LRRC52: variants seen among roughly 807,000 people sequenced by gnomAD.
The protein encoded by LRRC52 is leucine-rich repeat-containing protein 52.
In LRRC52, 15 loss-of-function variants were observed where a neutral mutation model predicts 14.7. The ratio of observed to expected loss-of-function variants is 1.02; its 90% CI spans 0.68 to 1.58. The LOEUF (loss-of-function observed/expected upper bound fraction) is 1.58, where lower values mean the gene tolerates loss of function less well. LRRC52 is among the 40% of genes most tolerant of loss of function. LRRC52 has a pLI of 0.00. For missense variants in LRRC52, 400 were observed against 387.7 expected (o/e 1.03, Z -0.27); for synonymous variants, 180 against 163.9 (o/e 1.10, Z -0.75).
intron 1 of LRRC52, among the ~76,000 whole-genome samples, chr1:165,553,363 T>C (rs1661173344): frequency 6.6e-6 from 1 of 152,180 alleles, no homozygotes; most frequent in South Asian, 2.1e-4. Context: ...CAGGGATCCC[T>C]GATGTCTTGG....
intron 1 of LRRC52, among the ~76,000 whole-genome samples, chr1:165,559,632 A>C (rs905540568): frequency 3.9e-5 from 6 of 152,222 alleles, no homozygotes; most frequent in African/African-American, 1.4e-4. Flanking sequence ...ATCCTAACTT[A>C]ATATCCATAG....
rs751436196 is a variant in LRRC52, at chr1:165,544,758, C to G, written c.462C>G (p.Tyr154Ter). ...FTFANTTSLR[Y>*]LDLRNTGLQT... Reference sequence around the variant, plus strand: ...TTGCCAACACCACCTCTTTGAGGTACCTGGACCTCAGAAATACCGGCTTGC... The same window carrying G: ...TTGCCAACACCACCTCTTTGAGGTAGCTGGACCTCAGAAATACCGGCTTGC... Residue 154 changes from tyrosine (Y) to a stop codon, truncating the protein, a stop_gained, in exon 1 of 2, where the codon TAC becomes TAG. Coordinates refer to ENST00000294818, the MANE Select transcript of LRRC52 (RefSeq NM_001005214.4). LOFTEE classifies it high-confidence loss of function. 1.9e-6 allele frequency: 3 copies of G among 1,613,978 alleles called. No individual in the cohort carries two copies. Among genetic ancestry groups the G allele is most frequent in the Non-Finnish European group, 1.7e-6 (2 of 1,180,032 alleles).
intron 1 of LRRC52, among the ~76,000 whole-genome samples, chr1:165,549,163 A>C (rs903345922): frequency 3.9e-5 from 6 of 152,220 alleles, no homozygotes; most frequent in African/African-American, 1.4e-4. Context: ...GAACAAAAGC[A>C]GAAGCTCAAA....
chr1:165,551,671 A>G (rs1661135187), intron 1 of LRRC52, among the ~76,000 whole-genome samples: 1 of 152,150 alleles, frequency 6.6e-6, no homozygotes, highest in South Asian at 2.1e-4. Flanking sequence ...GAGGCAGTGG[A>G]CAAAGCCACT....
intron 1 of LRRC52, among the ~76,000 whole-genome samples, chr1:165,558,432 G>A (rs10800111): frequency 0.48 from 72,662 of 152,086 alleles, 20,532 homozygotes; most frequent in East Asian, 0.72. Flanking sequence ...GAAAGCCAGA[G>A]AAGGAAGAAC....
chr1:165,563,871 T>C lies in LRRC52; in HGVS notation c.*47T>C. ...TGTGCCTCCCCCAGGCTCCCTGCTT[T>C]CTCTCTTGCCCTCCCCATCCCACCA... On this transcript the variant is annotated 3_prime_UTR_variant, in exon 2 of 2. Transcript: ENST00000294818. 6.4e-7 allele frequency: 1 copy of C among 1,571,026 alleles called. No homozygotes were observed. The highest frequency in any genetic ancestry group is 8.7e-7 in the Non-Finnish European group (1 of 1,151,488).
In LRRC52 at chr1:165,544,213, C is replaced by T. The variant is rs942370249; in HGVS notation, c.-84C>T. On this transcript the variant is annotated 5_prime_UTR_variant, in exon 1 of 2. Coordinates refer to ENST00000294818, the MANE Select transcript of LRRC52 (RefSeq NM_001005214.4). ...ACAGTTCTTTCCAGAGCCCCTCCCC[C>T]GCCCCACCCCCCCACCGGCAGCCTT... The T allele has an allele frequency of 1.4e-5, 16 of 1,159,444 alleles. 4 individuals are homozygous for T. Among genetic ancestry groups the T allele is most frequent in the South Asian group, 1.3e-4 (9 of 70,022 alleles). 71.8% of individuals were successfully genotyped at this position (1,159,444 alleles called of 1,614,324 possible).
rs1467992096 is a variant in LRRC52, at chr1:165,544,017, G to T, written c.-280G>T. 2 of 454,110 alleles carry T rather than the reference G, an allele frequency of 4.4e-6. No individual in the cohort carries two copies. The highest frequency in any genetic ancestry group is 4.0e-6 in the Non-Finnish European group (1 of 253,114). 28.1% of individuals were successfully genotyped at this position (454,110 alleles called of 1,614,324 possible). On this transcript the variant is annotated 5_prime_UTR_variant, in exon 1 of 2. Transcript: ENST00000294818. ...CCCTGGCTCCCCTTCACTTGCAAAC[G>T]CAGGGAAAGGGTGAGACCTTTCAAA...
In LRRC52 at chr1:165,544,333, C is replaced by T. The variant is rs748229362; in HGVS notation, c.37C>T (p.Leu13Phe). ...LASGPGPGWLLFSFGMGLVSG... is the reference protein window; with the variant it reads ...LASGPGPGWLFFSFGMGLVSG... ...TTCAGGCCCTGGCCCTGGGTGGTTACTCTTTTCCTTTGGAATGGGGCTGGT... is the reference window on the plus strand; with the variant it reads ...TTCAGGCCCTGGCCCTGGGTGGTTATTCTTTTCCTTTGGAATGGGGCTGGT... Residue 13 changes from leucine to phenylalanine, a missense_variant, in exon 1 of 2, where the codon CTC becomes TTC. Transcript: ENST00000294818. 1 of 1,612,984 alleles carries T rather than the reference C, an allele frequency of 6.2e-7. No individual in the cohort carries two copies. Among genetic ancestry groups the T allele is most frequent in the Admixed American group, 1.7e-5 (1 of 59,946 alleles).
At chr1:165,550,064 C>A (rs1361838824) in intron 1 of LRRC52, among the ~76,000 whole-genome samples, 3 of 152,228 alleles carry the variant, frequency 2.0e-5, no homozygotes, top group African/African-American at 7.2e-5. Context: ...CAGACCCACA[C>A]ATTCCATTTC....
rs1198137907 is a variant in LRRC52 at position 165,544,387 on chromosome 1, C to T, written c.91C>T (p.Leu31=). The T allele has an allele frequency of 6.2e-7, 1 of 1,613,968 alleles. No individual in the cohort carries two copies. The highest frequency in any genetic ancestry group is 1.3e-5 in the African/African-American group (1 of 74,878). The part of the protein sequence containing the change: ...VSGSKCPNNC[L]CQAQEVICTG... Reference sequence around the variant, plus strand: ...AGGGTCAAAGTGTCCAAATAATTGTCTGTGTCAAGCCCAAGAAGTAATCTG... The same window carrying T: ...AGGGTCAAAGTGTCCAAATAATTGTTTGTGTCAAGCCCAAGAAGTAATCTG... Residue 31 remains leucine, a synonymous_variant, in exon 1 of 2, where the codon CTG becomes TTG. Coordinates refer to ENST00000294818, the MANE Select transcript of LRRC52 (RefSeq NM_001005214.4).
Position 165,563,856 on chromosome 1 carries a change from C to T in LRRC52, c.*32C>T. On this transcript the variant is annotated 3_prime_UTR_variant, in exon 2 of 2. Transcript: ENST00000294818. ...GAGACCACTATCTTATGTGCCTCCC[C>T]CAGGCTCCCTGCTTTCTCTCTTGCC... 1 of 1,593,318 alleles carries T rather than the reference C, an allele frequency of 6.3e-7. No homozygotes were observed. Among genetic ancestry groups the T allele is most frequent in the South Asian group, 1.1e-5 (1 of 87,676 alleles).
Position 165,544,228 on chromosome 1 carries a change from C to G in LRRC52, c.-69C>G. 1 of 1,460,384 alleles carries G rather than the reference C, an allele frequency of 6.8e-7. No homozygotes were observed. The highest frequency in any genetic ancestry group is 9.2e-7 in the Non-Finnish European group (1 of 1,087,958). The allele number at this position is 1,460,384 out of a possible 1,614,324, so 90.5% of individuals were successfully genotyped here. A position where few individuals can be genotyped will look rare whatever the true frequency, so the allele number is the denominator to read the frequency against. On this transcript the variant is annotated 5_prime_UTR_variant, in exon 1 of 2. Transcript: ENST00000294818. ...GCCCCTCCCCCGCCCCACCCCCCCA[C>G]CGGCAGCCTTCGGATCAGAGGACAG...
rs1571102319 is a variant in LRRC52 at position 165,544,239 on chromosome 1, C to T, written c.-58C>T. On this transcript the variant is annotated 5_prime_UTR_variant, in exon 1 of 2. Coordinates refer to ENST00000294818, the MANE Select transcript of LRRC52 (RefSeq NM_001005214.4). ...GCCCCACCCCCCCACCGGCAGCCTT[C>T]GGATCAGAGGACAGAGCCCGCAGGA... The T allele has an allele frequency of 1.0e-5, 13 of 1,243,680 alleles. No homozygotes were observed. In the East Asian group the frequency reaches 1.4e-4, roughly 14 times the overall value. The allele number at this position is 1,243,680 out of a possible 1,614,324, so 77.0% of individuals were successfully genotyped here.
intron 1 of LRRC52, among the ~76,000 whole-genome samples, chr1:165,558,254 A>T (rs1243804196): frequency 6.6e-6 from 1 of 152,204 alleles, no homozygotes; most frequent in African/African-American, 2.4e-5. Flanking sequence ...GTTCAATATT[A>T]ATGACATCTG....
chr1:165,550,556 C>G (rs1175182842), intron 1 of LRRC52, among the ~76,000 whole-genome samples: 3 of 152,100 alleles, frequency 2.0e-5, no homozygotes, highest in Non-Finnish European at 4.4e-5. Context: ...ACTTTAGAAT[C>G]CAGAGTCACA....
At chr1:165,547,127 A>AC (rs1448534908) in intron 1 of LRRC52, among the ~76,000 whole-genome samples, 8 of 151,968 alleles carry the variant, frequency 5.3e-5, no homozygotes, top group African/African-American at 1.7e-4. Flanking sequence ...GGTATTTTTA[A>AC]CCCTATCCTT....
chr1:165,544,284 G>A lies in LRRC52; in HGVS notation c.-13G>A, dbSNP rs1660965446. 6.4e-7 allele frequency: 1 copy of A among 1,552,864 alleles called. No individual in the cohort carries two copies. The highest frequency in any genetic ancestry group is 8.8e-7 in the Non-Finnish European group (1 of 1,140,678). ...GCAGGAAGGTGAAAGGAGGGTGGTT[G>A]TGGCTTCTTACTATGTCCCTTGCTT... On this transcript the variant is annotated 5_prime_UTR_variant, in exon 1 of 2. The change creates a new upstream start codon in the 5' untranslated region. Coordinates refer to ENST00000294818, the MANE Select transcript of LRRC52 (RefSeq NM_001005214.4).
At chr1:165,563,400 C>T (rs928521029) in intron 1 of LRRC52, 105 bp from the exon 2 acceptor site, 6 of 988,056 alleles carry the variant, frequency 6.1e-6, no homozygotes, top group African/African-American at 1.6e-5. Flanking sequence ...ACAGACCACA[C>T]TTGGAGCACT....
Sources: gnomAD v4.1 joint callset for allele counts (sites outside exome capture counted in the v4.1 genomes callset) on GRCh38, gnomAD v4.1.1 for gene constraint, MANE v1.5 for transcripts, NCBI Gene and HGNC (gene_info 2026-07-23, HGNC 2026-07-21) for gene names.